Variants in CRADD observed in about 807,000 individuals in gnomAD.
The protein encoded by CRADD is CARD and death domain containing adaptor protein.
Under a neutral mutation model 15.5 loss-of-function variants are expected in CRADD, and 9 were observed. The observed-to-expected ratio is 0.58, with a 90% CI of 0.35 to 1.01. CRADD has a LOEUF of 1.01. CRADD is among the 50% of genes least tolerant of loss of function. CRADD has a pLI of 0.02. For missense variants in CRADD, 227 were observed against 250.3 expected (o/e 0.91, Z 0.63); for synonymous variants, 118 against 107.6 (o/e 1.10, Z -0.60).
At chr12:93,797,389 A>T (rs1957430788) in intron 2 of CRADD, among the ~76,000 whole-genome samples, 1 of 152,154 alleles carries the variant, frequency 6.6e-6, no homozygotes, top group Non-Finnish European at 1.5e-5. Context: ...GAACTTGGAG[A>T]TGCGTTCATT....
At chr12:93,894,240 T>G in exon 3 of CRADD, 9 of 579,584 alleles carry the variant, frequency 1.6e-5, no homozygotes, top group East Asian at 6.9e-5. Flanking sequence ...GAGGCGTTTT[T>G]GGTTGTCACA....
intron 2 of CRADD, among the ~76,000 whole-genome samples, chr12:93,796,368 G>T (rs1957418236): frequency 1.3e-5 from 2 of 152,060 alleles, no homozygotes; most frequent in African/African-American, 4.8e-5. Flanking sequence ...AATTTGGGAG[G>T]CCAAGGCAGG....
chr12:93,703,554 G>C (rs191579023), intron 2 of CRADD, among the ~76,000 whole-genome samples: 2 of 151,748 alleles, frequency 1.3e-5, no homozygotes, highest in Non-Finnish European at 2.9e-5. Context: ...TAGAGACGAG[G>C]TTTTACCATG....
intron 2 of CRADD, among the ~76,000 whole-genome samples, chr12:93,763,455 T>C (rs907607550): frequency 2.6e-5 from 4 of 151,948 alleles, no homozygotes; most frequent in African/African-American, 9.7e-5. Context: ...TTTTCTTCTT[T>C]TTTTTTTTCA....
chr12:93,850,025 G>T lies in CRADD; in HGVS notation c.354G>T (p.Arg118=). ...SHILNSSPSD[R]QINQLAQRLG... is the part of the protein sequence containing the mutation. ...TCCTCAACAGCTCCCCATCAGACCG[G>T]CAGATTAACCAGCTGGCCCAGAGGC... Residue 118 remains arginine, a synonymous_variant, in exon 3 of 3, where the codon CGG becomes CGT. Transcript: ENST00000332896. This position sits in a 1 kb window ranked among gnomAD's most constrained non-coding sequence, Gnocchi z 4.0. The T allele has an allele frequency of 1.2e-6, 2 of 1,611,500 alleles. No homozygotes were observed. The highest frequency in any genetic ancestry group is 1.7e-6 in the Non-Finnish European group (2 of 1,177,622).
chr12:93,894,178 G>T lies in CRADD; in HGVS notation c.*61G>T, dbSNP rs1235347525. Reference sequence around the variant, plus strand: ...CCTACCCTCTTTCCTCTACACCAGTGGTTCTCAATCAAGGGCGATTTTGCC... The same window carrying T: ...CCTACCCTCTTTCCTCTACACCAGTTGTTCTCAATCAAGGGCGATTTTGCC... On this transcript the variant is annotated 3_prime_UTR_variant, in exon 3 of 3. Transcript: ENST00000548483. 8.6e-6 allele frequency: 6 copies of T among 700,048 alleles called. No homozygotes were observed. The Admixed American group carries it at 1.0e-4, about 12-fold the overall frequency. The allele number at this position is 700,048 out of a possible 1,614,324, so 43.4% of individuals were successfully genotyped here.
intron 2 of CRADD, chr12:93,815,096 A>G (rs540867879): frequency 1.3e-5 from 2 of 152,280 alleles, no homozygotes; most frequent in African/African-American, 2.4e-5. Flanking sequence ...GCTCTGGGCA[A>G]TCCCACAAAG....
At chr12:93,739,644 A>G (rs1425388742) in intron 2 of CRADD, among the ~76,000 whole-genome samples, 1 of 152,176 alleles carries the variant, frequency 6.6e-6, no homozygotes, top group Non-Finnish European at 1.5e-5. Flanking sequence ...GAATTCAGAA[A>G]GACAAAAAGA....
At chr12:93,724,181 G>A (rs1298232080) in intron 2 of CRADD, among the ~76,000 whole-genome samples, 3 of 152,004 alleles carry the variant, frequency 2.0e-5, no homozygotes, top group African/African-American at 7.3e-5. Context: ...GGAATTCGAG[G>A]CCAGCCTGGA....
chr12:93,707,542 T>C (rs1955975005), intron 2 of CRADD, among the ~76,000 whole-genome samples: 1 of 152,146 alleles, frequency 6.6e-6, no homozygotes, highest in Non-Finnish European at 1.5e-5. Context: ...TCTTTCAGCA[T>C]GGGAGCTGGG....
intron 2 of CRADD, among the ~76,000 whole-genome samples, chr12:93,830,914 C>T (rs1358478691): frequency 1.3e-5 from 2 of 152,166 alleles, no homozygotes; most frequent in Non-Finnish European, 2.9e-5. Context: ...TCGTTAGCAC[C>T]TAAAATGTAC....
At chr12:93,805,738 G>A (rs1330829567) in intron 2 of CRADD, among the ~76,000 whole-genome samples, 2 of 152,134 alleles carry the variant, frequency 1.3e-5, no homozygotes, top group East Asian at 3.9e-4. Flanking sequence ...ACTGTATCCT[G>A]CTGCTTAGTG....
intron 2 of CRADD, among the ~76,000 whole-genome samples, chr12:93,838,919 C>T (rs760467193): frequency 2.2e-4 from 33 of 151,796 alleles, no homozygotes; most frequent in Non-Finnish European, 3.7e-4. Context: ...TGCACCACCA[C>T]ACCTGGCTAA....
chr12:93,864,835 T>C (rs1958350772), intron 2 of CRADD, among the ~76,000 whole-genome samples: 1 of 152,240 alleles, frequency 6.6e-6, no homozygotes. Flanking sequence ...GCAAGTTATG[T>C]AACTTCTCTG....
intron 2 of CRADD, among the ~76,000 whole-genome samples, chr12:93,703,985 T>C (rs1261304546): frequency 1.4e-5 from 2 of 139,112 alleles, no homozygotes; most frequent in African/African-American, 2.9e-5. Flanking sequence ...TTTCTTTTTT[T>C]TTTTTTTTTT....
At chr12:93,711,055 C>CCCCCCCCCTTTTTTTTTT in intron 2 of CRADD, among the ~76,000 whole-genome samples, 1 of 43,508 alleles carries the variant, frequency 2.3e-5, no homozygotes, top group Non-Finnish European at 4.4e-5. Flanking sequence ...CCACCCCCGC[C>CCCCCCCCCTTTTTTTTTT]TTTTTTTTTT....
At chr12:93,760,044 T>C (rs1350071354) in intron 2 of CRADD, among the ~76,000 whole-genome samples, 1 of 152,160 alleles carries the variant, frequency 6.6e-6, no homozygotes, top group Non-Finnish European at 1.5e-5. Context: ...CGCAGAGACA[T>C]GGAGACTACC....
chr12:93,729,092 A>C (rs1378308959), intron 2 of CRADD, among the ~76,000 whole-genome samples: 4 of 152,208 alleles, frequency 2.6e-5, no homozygotes, highest in African/African-American at 7.2e-5. Context: ...AAATGGGATG[A>C]TAAAGACCAG....
rs1364036759 is a variant in CRADD, at chr12:93,730,862, C to T, written c.298+51790C>T. 2.0e-5 allele frequency among the ~76,000 whole-genome samples: 3 copies of T among 151,996 alleles called. No homozygotes were observed. In the East Asian group the frequency reaches 5.8e-4, roughly 29 times the overall value. ...TCCCAAGTAGCTGGAATTACAGGCA[C>T]ATGCCACCACATCTGGCTAATTTTT... On this transcript the variant is annotated intron_variant, in intron 2 of 2. Coordinates refer to ENST00000332896, the MANE Select transcript of CRADD (RefSeq NM_003805.5).
Sources: gnomAD v4.1 joint callset for allele counts (sites outside exome capture counted in the v4.1 genomes callset) on GRCh38, gnomAD v4.1.1 for gene constraint, Gnocchi (gnomAD v3.1) non-coding constraint, MANE v1.5 for transcripts, NCBI Gene and HGNC (gene_info 2026-07-23, HGNC 2026-07-21) for gene names.